The following DSC2 variants were observed in gnomAD, a reference collection of about 807,000 sequenced individuals.
DSC2 encodes the protein desmocollin 2.
DSC2 carries 51 observed loss-of-function variants against 87.6 expected under a neutral mutation model. That is an observed-to-expected ratio of 0.58 (90% CI 0.46 to 0.74). The LOEUF (loss-of-function observed/expected upper bound fraction) is 0.74, where lower values mean the gene tolerates loss of function less well. Ranked by LOEUF, DSC2 falls within the 30% of genes least tolerant of loss-of-function variation. The pLI, the probability that DSC2 is intolerant of heterozygous loss-of-function variation, is 0.00. For missense variants in DSC2, 1,066 were observed against 1,089.5 expected (o/e 0.98, Z 0.30); for synonymous variants, 383 against 393.2 (o/e 0.97, Z 0.31).
chr18:31,070,916 G>T lies in DSC2; in HGVS notation c.2126-66C>A, dbSNP rs1462279737. 3.9e-6 allele frequency: 6 copies of T among 1,542,230 alleles called. No homozygotes were observed. In the South Asian group the frequency reaches 4.5e-5, roughly 12 times the overall value. On this transcript the variant is annotated intron_variant, in intron 13 of 15. Transcript: ENST00000280904. Reference sequence around the variant, plus strand: ...AATATGAAGTTATAAATGTACAATGGTTAATACACACATAAATCATAAACT... The same window carrying T: ...AATATGAAGTTATAAATGTACAATGTTTAATACACACATAAATCATAAACT...
intron 1 of DSC2, 154 bp downstream of exon 1, chr18:31,101,749 T>TCCCCCCCCCCCC: frequency 1.5e-6 from 1 of 660,410 alleles, no homozygotes; most frequent in Non-Finnish European, 2.5e-6. Flanking sequence ...CTATCTGCCC[T>TCCCCCCCCCCCC]CCCCCACCCC....
Position 31,066,684 on chromosome 18 carries a change from TAA to T in DSC2, c.*1329_*1330del, listed in dbSNP as rs1248587000. 1 of 152,160 alleles carries T rather than the reference TAA, an allele frequency of 6.6e-6. No homozygotes were observed. The allele number at this position is 152,160 out of a possible 1,614,324, so 9.4% of individuals were successfully genotyped here. On this transcript the variant is annotated 3_prime_UTR_variant, in exon 16 of 16. Transcript: ENST00000280904. Reference sequence around the variant, plus strand: ...CATGGACTGGAATTTTGTGAGCTATTAAGTTTCATTTTGTTTTACTGTTTTAA... The same window carrying T: ...CATGGACTGGAATTTTGTGAGCTATTGTTTCATTTTGTTTTACTGTTTTAA...
At chr18:31,101,542 A>T (rs1374558702) in intron 1 of DSC2, 2 of 233,158 alleles carry the variant, frequency 8.6e-6, no homozygotes, top group Non-Finnish European at 1.6e-5. Flanking sequence ...GCCCCGGCGC[A>T]CTCCCGCCCC....
chr18:31,082,263 T>A lies in DSC2; in HGVS notation c.1238A>T (p.Asn413Ile), dbSNP rs1293927459. ...NFKIVTDAKTNEGVLCVVKPL... is the reference protein window; with the variant it reads ...NFKIVTDAKTIEGVLCVVKPL... ...CTTAACTACACAAAGAACTCCTTCA[T>A]TGGTTTTGGCATCTGTTACAATTTT... The change falls in exon 9 of 16, where the codon AAT (asparagine) becomes ATT (isoleucine). Residue 413 changes from asparagine (N) to isoleucine (I), a missense_variant. Physicochemically the swap from Asn to Ile is moderately radical, Grantham distance 149. Transcript: ENST00000280904. The A allele has an allele frequency of 9.3e-6, 15 of 1,613,644 alleles. No individual in the cohort carries two copies. Among genetic ancestry groups the A allele is most frequent in the East Asian group, 2.2e-5 (1 of 44,808 alleles).
At chr18:31,073,371 A>ACG (rs1011373945) in intron 12 of DSC2, among the ~76,000 whole-genome samples, 15 of 54,466 alleles carry the variant, frequency 2.8e-4, no homozygotes, top group Admixed American at 8.9e-4. Context: ...ATACACACAC[A>ACG]CGCACACACA....
chr18:31,092,667 C>T (rs1987640637), intron 2 of DSC2, among the ~76,000 whole-genome samples: 1 of 152,068 alleles, frequency 6.6e-6, no homozygotes. Flanking sequence ...TGAAAATTGG[C>T]ATTTGCTAAA....
chr18:31,069,670 G>A (rs1397606577), intron 14 of DSC2, among the ~76,000 whole-genome samples: 1 of 150,054 alleles, frequency 6.7e-6, no homozygotes, highest in African/African-American at 2.5e-5. Context: ...AGCTGTGATT[G>A]TGCCACTGCA....
chr18:31,093,466 A>T, intron 2 of DSC2, 93 bp downstream of exon 2: 1 of 950,314 alleles, frequency 1.1e-6, no homozygotes. Context: ...CCAAGGGACA[A>T]GATCTCGTTC....
intron 3 of DSC2, chr18:31,091,403 C>A (rs1345937910): frequency 3.5e-6 from 2 of 576,160 alleles, no homozygotes; most frequent in South Asian, 1.6e-5. Flanking sequence ...GAACTGGAAG[C>A]CTAGAAGCAA....
intron 9 of DSC2, 151 bp downstream of exon 9, chr18:31,082,087 T>C: frequency 1.4e-6 from 1 of 712,906 alleles, no homozygotes; most frequent in Non-Finnish European, 2.2e-6. Context: ...ACTAATATAT[T>C]CTTTCCATTG....
chr18:31,061,292 A>C lies in DSC2; in HGVS notation c.*6723T>G, dbSNP rs1986495741. Reference sequence around the variant, plus strand: ...ATCCTAACAAAATAAGTAAACAGAAAAGATGTGGCTAGCAGAAACTCCACA... The same window carrying C: ...ATCCTAACAAAATAAGTAAACAGAACAGATGTGGCTAGCAGAAACTCCACA... On this transcript the variant is annotated 3_prime_UTR_variant, in exon 16 of 16. Coordinates refer to ENST00000280904, the MANE Select transcript of DSC2 (RefSeq NM_024422.6). 1 of 152,230 alleles carries C rather than the reference A, an allele frequency of 6.6e-6. No homozygotes were observed. Among genetic ancestry groups the C allele is most frequent in the African/African-American group, 2.4e-5 (1 of 41,474 alleles). The allele number at this position is 152,230 out of a possible 1,614,324, so 9.4% of individuals were successfully genotyped here.
intron 1 of DSC2, among the ~76,000 whole-genome samples, chr18:31,100,967 G>A (rs1270992288): frequency 6.6e-6 from 1 of 152,114 alleles, no homozygotes; most frequent in South Asian, 2.1e-4. Flanking sequence ...GCCTGGGAAA[G>A]GGGCTGTCCC....
At chr18:31,084,948 T>C (rs1041291802) in intron 7 of DSC2, among the ~76,000 whole-genome samples, 1 of 152,058 alleles carries the variant, frequency 6.6e-6, no homozygotes, top group African/African-American at 2.4e-5. Flanking sequence ...GGTGAACCAA[T>C]ATTTTCCAAA....
At position 31,067,543 on chromosome 18, in the gene DSC2, A is replaced by T. The variant is rs555348907; in HGVS notation, c.*472T>A. 72 of 164,610 alleles carry T rather than the reference A, an allele frequency of 4.4e-4. No individual in the cohort carries two copies. Among genetic ancestry groups the T allele is most frequent in the Non-Finnish European group, 5.3e-4 (40 of 75,292 alleles). 10.2% of individuals were successfully genotyped at this position (164,610 alleles called of 1,614,324 possible). Reference sequence around the variant, plus strand: ...GAAAAGGTCACATTACAAGAATAAAATAATAGCAAGAATGCAGTCTACACA... The same window carrying T: ...GAAAAGGTCACATTACAAGAATAAATTAATAGCAAGAATGCAGTCTACACA... On this transcript the variant is annotated 3_prime_UTR_variant, in exon 16 of 16. Coordinates refer to ENST00000280904, the MANE Select transcript of DSC2 (RefSeq NM_024422.6).
In DSC2 at chr18:31,083,641, T is replaced by C. The variant is rs73952591; in HGVS notation, c.943-581A>G. 9.3e-3 allele frequency among the ~76,000 whole-genome samples: 1,415 copies of C among 152,306 alleles called. 19 individuals are homozygous for C. The highest frequency in any genetic ancestry group is 0.033 in the African/African-American group (1,369 of 41,564). On this transcript the variant is annotated intron_variant, in intron 7 of 15. Coordinates refer to ENST00000280904, the MANE Select transcript of DSC2 (RefSeq NM_024422.6). ...TGCAAAAAATATAGATTTTAAGGGT[T>C]TATGTTACATTTAAGAGATCATCTA...
At chr18:31,074,445 GTGTGTGTGTGT>G (rs1986939669) in intron 12 of DSC2, among the ~76,000 whole-genome samples, 1 of 150,918 alleles carries the variant, frequency 6.6e-6, no homozygotes. Context: ...GTGTGTGTGT[GTGTGTGTGTGT>G]GTGTGTGTGT....
At chr18:31,084,139 C>T (rs1336721794) in intron 7 of DSC2, among the ~76,000 whole-genome samples, 1 of 152,136 alleles carries the variant, frequency 6.6e-6, no homozygotes, top group Admixed American at 6.5e-5. Flanking sequence ...TCCCTTAATT[C>T]CATCATCTCT....
At chr18:31,100,681 G>A (rs1029388179) in intron 1 of DSC2, among the ~76,000 whole-genome samples, 2 of 152,226 alleles carry the variant, frequency 1.3e-5, no homozygotes, top group Admixed American at 6.5e-5. Flanking sequence ...GAGAGCGGAA[G>A]AGAAGGGGAA....
chr18:31,079,293 G>A (rs966198088), intron 11 of DSC2, among the ~76,000 whole-genome samples: 7 of 151,936 alleles, frequency 4.6e-5, no homozygotes, highest in Non-Finnish European at 8.8e-5. Flanking sequence ...TTACTCTGTC[G>A]CCCAGGCTAG....
Sources: gnomAD v4.1 joint callset for allele counts (sites outside exome capture counted in the v4.1 genomes callset) on GRCh38, gnomAD v4.1.1 for gene constraint, MANE v1.5 for transcripts, NCBI Gene and HGNC (gene_info 2026-07-23, HGNC 2026-07-21) for gene names.